FBXL7: variants seen among roughly 807,000 people sequenced by gnomAD.
FBXL7 encodes the protein F-box and leucine rich repeat protein 7.
In FBXL7, 12 loss-of-function variants were observed where a neutral mutation model predicts 38.3. The ratio of observed to expected loss-of-function variants is 0.31; its 90% CI spans 0.20 to 0.51. The LOEUF is 0.51. Among genes scored for constraint, FBXL7 ranks in the 20% least tolerant of loss-of-function variants. The pLI is 0.98. For missense variants in FBXL7, 567 were observed against 676.4 expected (o/e 0.84, Z 1.79); for synonymous variants, 297 against 300.9 (o/e 0.99, Z 0.13).
chr5:15,687,076 C>T (rs1743036810), intron 2 of FBXL7, among the ~76,000 whole-genome samples: 1 of 152,214 alleles, frequency 6.6e-6, no homozygotes, highest in Non-Finnish European at 1.5e-5. Flanking sequence ...ACCACTTTGT[C>T]TTCTCCCATA....
chr5:15,866,123 A>G (rs1023043777), intron 2 of FBXL7, among the ~76,000 whole-genome samples: 8 of 152,248 alleles, frequency 5.3e-5, no homozygotes, highest in African/African-American at 1.7e-4. Context: ...TAAAATCTAT[A>G]TGACAGTTTT....
chr5:15,552,279 A>G (rs936168303), intron 1 of FBXL7, among the ~76,000 whole-genome samples: 1 of 152,172 alleles, frequency 6.6e-6, no homozygotes, highest in African/African-American at 2.4e-5. Flanking sequence ...TCCATGACAC[A>G]ACAGTCTCCT....
chr5:15,906,236 A>G (rs1160529658), intron 2 of FBXL7, among the ~76,000 whole-genome samples: 1 of 152,076 alleles, frequency 6.6e-6, no homozygotes, highest in Non-Finnish European at 1.5e-5. Context: ...ATGCTATGTT[A>G]TATAGTTACA....
intron 2 of FBXL7, among the ~76,000 whole-genome samples, chr5:15,669,437 G>T (rs1022322571): frequency 2.0e-5 from 3 of 152,148 alleles, no homozygotes; most frequent in African/African-American, 7.2e-5. Context: ...TGTGCTGAGC[G>T]TGGCCAATGA....
At chr5:15,628,386 G>A (rs908498099) in intron 2 of FBXL7, among the ~76,000 whole-genome samples, 4 of 152,180 alleles carry the variant, frequency 2.6e-5, no homozygotes. Flanking sequence ...ATGGTGGAGC[G>A]AAGATGTTTC....
intron 2 of FBXL7, among the ~76,000 whole-genome samples, chr5:15,852,453 G>C (rs1739125063): frequency 6.6e-6 from 1 of 152,150 alleles, no homozygotes; most frequent in African/African-American, 2.4e-5. Flanking sequence ...TGGTGAGTGA[G>C]GAGAAAGGGA....
chr5:15,691,178 C>T (rs761111596), intron 2 of FBXL7, among the ~76,000 whole-genome samples: 2 of 152,188 alleles, frequency 1.3e-5, no homozygotes, highest in Non-Finnish European at 2.9e-5. Context: ...TATTGAGGCA[C>T]TGGAGTGCAC....
chr5:15,697,903 T>C lies in FBXL7; in HGVS notation c.127+81831T>C, dbSNP rs78754449. Among the ~76,000 whole-genome samples, 172 of 152,312 alleles carry C rather than the reference T, an allele frequency of 1.1e-3. 3 individuals are homozygous for C. In the East Asian group the frequency reaches 0.029, roughly 26 times the overall value. On this transcript the variant is annotated intron_variant, in intron 2 of 3. Transcript: ENST00000504595. ...GCTAAAGAAATGTTATTTTCCAAAA[T>C]TGGCAAATGCTTCCAACTTGTTATT...
chr5:15,561,804 A>G (rs540798690), intron 1 of FBXL7, among the ~76,000 whole-genome samples: 5 of 152,262 alleles, frequency 3.3e-5, no homozygotes, highest in Admixed American at 3.3e-4. Flanking sequence ...GACTGATCAC[A>G]AAAAATCCCA....
chr5:15,688,353 G>A (rs1743081773), intron 2 of FBXL7, among the ~76,000 whole-genome samples: 1 of 152,162 alleles, frequency 6.6e-6, no homozygotes, highest in African/African-American at 2.4e-5. Flanking sequence ...GTGGTACGTA[G>A]TATTATCCCA....
At chr5:15,708,444 CAT>C (rs748010142) in intron 2 of FBXL7, among the ~76,000 whole-genome samples, 27 of 152,314 alleles carry the variant, frequency 1.8e-4, no homozygotes, top group Non-Finnish European at 3.2e-4. Context: ...TTACCTGAAA[CAT>C]GTGTGATCCA....
intron 2 of FBXL7, among the ~76,000 whole-genome samples, chr5:15,707,173 C>CTTTTTTTTTTTTTT (rs1743708795): frequency 1.0e-4 from 4 of 39,166 alleles, no homozygotes; most frequent in East Asian, 1.4e-3. Flanking sequence ...TTTTTCTTTT[C>CTTTTTTTTTTTTTT]GTTTTTTTTT....
intron 2 of FBXL7, among the ~76,000 whole-genome samples, chr5:15,638,564 A>G (rs1179015154): frequency 6.6e-6 from 1 of 151,412 alleles, no homozygotes. Flanking sequence ...TCCAGTGTCG[A>G]GTGCATGCAG....
chr5:15,737,612 C>G (rs1021479899), intron 2 of FBXL7, among the ~76,000 whole-genome samples: 1 of 152,082 alleles, frequency 6.6e-6, no homozygotes, highest in Non-Finnish European at 1.5e-5. Context: ...GTTAATTGCA[C>G]AATAAGGTGG....
chr5:15,515,513 A>G (rs1375826700), intron 1 of FBXL7, among the ~76,000 whole-genome samples: 5 of 152,158 alleles, frequency 3.3e-5, no homozygotes, highest in Non-Finnish European at 5.9e-5. Context: ...AGATACCTCA[A>G]TCATTCCTCC....
At chr5:15,758,105 G>A (rs576676359) in intron 2 of FBXL7, among the ~76,000 whole-genome samples, 23 of 152,100 alleles carry the variant, frequency 1.5e-4, no homozygotes, top group Non-Finnish European at 3.1e-4. Flanking sequence ...ACCAAGTCCA[G>A]GGTGTCCCAT....
chr5:15,674,838 G>A (rs762578963), intron 2 of FBXL7, among the ~76,000 whole-genome samples: 4 of 152,188 alleles, frequency 2.6e-5, no homozygotes, highest in Admixed American at 6.6e-5. Flanking sequence ...TTGTCTTAGT[G>A]AACTGGAAAA....
chr5:15,656,134 A>G (rs540524229), intron 2 of FBXL7, among the ~76,000 whole-genome samples: 1 of 152,322 alleles, frequency 6.6e-6, no homozygotes, highest in East Asian at 1.9e-4. Context: ...TTGGTTTGCA[A>G]TAGAAACTGG....
chr5:15,564,495 G>A (rs879602684), intron 1 of FBXL7, among the ~76,000 whole-genome samples: 4 of 151,490 alleles, frequency 2.6e-5, no homozygotes, highest in African/African-American at 7.3e-5. Flanking sequence ...AGTGTTCATG[G>A]GATTTATTGA....
Sources: gnomAD v4.1 joint callset for allele counts (sites outside exome capture counted in the v4.1 genomes callset) on GRCh38, gnomAD v4.1.1 for gene constraint, MANE v1.5 for transcripts, NCBI Gene and HGNC (gene_info 2026-07-23, HGNC 2026-07-21) for gene names.